Variants in MDGA2 observed in about 807,000 individuals in gnomAD.
The protein encoded by MDGA2 is MAM domain containing glycosylphosphatidylinositol anchor 2, also known as MAM domain-containing glycosylphosphatidylinositol anchor protein 2.
In MDGA2, 40 loss-of-function variants were observed where a neutral mutation model predicts 117.8. The observed-to-expected ratio is 0.34, with a 90% CI of 0.26 to 0.44. MDGA2 has a LOEUF of 0.44. Ranked by LOEUF, MDGA2 falls within the 20% of genes least tolerant of loss-of-function variation. MDGA2 has a pLI of 1.00. For missense variants in MDGA2, 1,123 were observed against 1,250.6 expected (o/e 0.90, Z 1.54); for synonymous variants, 452 against 439.0 (o/e 1.03, Z -0.37).
chr14:47,072,806 G>C (rs1301184376), intron 6 of MDGA2, among the ~76,000 whole-genome samples: 2 of 152,126 alleles, frequency 1.3e-5, no homozygotes, highest in Non-Finnish European at 2.9e-5. Flanking sequence ...AGAGAAGGCA[G>C]GTCATCAGCT....
At chr14:47,013,253 T>C (rs1315217635) in intron 8 of MDGA2, among the ~76,000 whole-genome samples, 1 of 152,184 alleles carries the variant, frequency 6.6e-6, no homozygotes, top group Admixed American at 6.5e-5. Flanking sequence ...TGTAATATTG[T>C]AAATCTTTTG....
intron 5 of MDGA2, among the ~76,000 whole-genome samples, chr14:47,101,072 GGAC>G (rs373601984): frequency 2.8e-5 from 4 of 145,262 alleles, no homozygotes; most frequent in Non-Finnish European, 6.0e-5. Context: ...ATGAATGGAG[GGAC>G]GATAGATAGA....
At chr14:47,085,389 T>C (rs1291211008) in intron 6 of MDGA2, among the ~76,000 whole-genome samples, 3 of 152,106 alleles carry the variant, frequency 2.0e-5, no homozygotes, top group African/African-American at 4.8e-5. Flanking sequence ...AACTAAGGAA[T>C]TTGAATAACC....
intron 1 of MDGA2, among the ~76,000 whole-genome samples, chr14:47,503,705 C>T (rs1894451657): frequency 6.6e-6 from 1 of 152,054 alleles, no homozygotes; most frequent in Non-Finnish European, 1.5e-5. Flanking sequence ...CGCCCGGCCT[C>T]CTCTACTATC....
intron 1 of MDGA2, among the ~76,000 whole-genome samples, chr14:47,463,541 G>A (rs1421406591): frequency 1.3e-5 from 2 of 152,182 alleles, no homozygotes; most frequent in African/African-American, 4.8e-5. Context: ...TCATGTGTGA[G>A]CCTTGATTGA....
intron 1 of MDGA2, among the ~76,000 whole-genome samples, chr14:47,458,577 T>C (rs368076898): frequency 1.3e-5 from 2 of 152,118 alleles, no homozygotes; most frequent in Non-Finnish European, 2.9e-5. Context: ...GTTCTGAAGA[T>C]CTAATGTGTA....
At chr14:47,224,139 A>C (rs1743139631) in intron 2 of MDGA2, among the ~76,000 whole-genome samples, 1 of 152,160 alleles carries the variant, frequency 6.6e-6, no homozygotes. Flanking sequence ...TTTAACATTA[A>C]ACTCATTTCT....
intron 1 of MDGA2, among the ~76,000 whole-genome samples, chr14:47,382,011 A>G (rs895382552): frequency 1.3e-5 from 2 of 152,164 alleles, no homozygotes; most frequent in African/African-American, 4.8e-5. Flanking sequence ...AGAGATAAAG[A>G]CCAATGGAAC....
intron 7 of MDGA2, among the ~76,000 whole-genome samples, chr14:47,044,237 A>C (rs116789015): frequency 0.032 from 4,938 of 152,176 alleles, 277 homozygotes; most frequent in African/African-American, 0.11. Flanking sequence ...TTCATATATG[A>C]ACTCTTTTAT....
At chr14:47,632,040 C>T (rs1347954453) in intron 1 of MDGA2, among the ~76,000 whole-genome samples, 1 of 151,770 alleles carries the variant, frequency 6.6e-6, no homozygotes, top group East Asian at 1.9e-4. Flanking sequence ...AAAGATTGGA[C>T]ACCTATGCAT....
intron 2 of MDGA2, among the ~76,000 whole-genome samples, chr14:47,260,571 G>GA (rs777835426): frequency 3.9e-5 from 6 of 152,046 alleles, no homozygotes; most frequent in South Asian, 2.1e-4. Flanking sequence ...AAACATCATA[G>GA]AAAAAATTAC....
chr14:47,301,288 CA>C, intron 2 of MDGA2, 122 bp downstream of exon 2: 1 of 946,992 alleles, frequency 1.1e-6, no homozygotes, highest in South Asian at 1.7e-5. Context: ...CACACACCCA[CA>C]CCCACCCACA....
chr14:47,334,488 G>T (rs917568026), intron 1 of MDGA2, among the ~76,000 whole-genome samples: 1 of 151,762 alleles, frequency 6.6e-6, no homozygotes, highest in African/African-American at 2.4e-5. Context: ...CAGTTGTAAC[G>T]GGATTATAAT....
chr14:47,396,731 A>G (rs1162777702), intron 1 of MDGA2, among the ~76,000 whole-genome samples: 1 of 152,248 alleles, frequency 6.6e-6, no homozygotes, highest in East Asian at 1.9e-4. Flanking sequence ...AGTATATGAA[A>G]AACAGCTCAT....
Position 47,202,237 on chromosome 14 carries a change from G to A in MDGA2, c.595+15784C>T, listed in dbSNP as rs140012145. On this transcript the variant is annotated intron_variant, in intron 3 of 16. Transcript: ENST00000399232. ...TACTTGATTAATGTTAGTAAAAGTA[G>A]TTGTGATGATTAGATAATAAAAACA... is the stretch of plus-strand genomic sequence containing the variant. 2.5e-3 allele frequency among the ~76,000 whole-genome samples: 376 copies of A among 152,218 alleles called. 5 individuals are homozygous for A. Among genetic ancestry groups the A allele is most frequent in the African/African-American group, 8.5e-3 (355 of 41,552 alleles).
intron 1 of MDGA2, among the ~76,000 whole-genome samples, chr14:47,538,842 A>G (rs1303849948): frequency 2.6e-5 from 4 of 152,186 alleles, no homozygotes; most frequent in African/African-American, 9.7e-5. Context: ...ACACGTATGC[A>G]TACACATATT....
At chr14:47,434,527 A>C (rs1046764140) in intron 1 of MDGA2, among the ~76,000 whole-genome samples, 1 of 152,170 alleles carries the variant, frequency 6.6e-6, no homozygotes, top group Non-Finnish European at 1.5e-5. Flanking sequence ...AGGTCAAAGA[A>C]GGTAGAATAT....
At chr14:47,541,830 C>T (rs1449971812) in intron 1 of MDGA2, among the ~76,000 whole-genome samples, 1 of 152,146 alleles carries the variant, frequency 6.6e-6, no homozygotes, top group Admixed American at 6.5e-5. Context: ...GGTTGTCCTC[C>T]AGGGCTCTGG....
chr14:47,307,852 T>A (rs1279853031), intron 1 of MDGA2, among the ~76,000 whole-genome samples: 1 of 151,822 alleles, frequency 6.6e-6, no homozygotes, highest in Non-Finnish European at 1.5e-5. Context: ...TAGAGGAGAG[T>A]TCTATAGGAG....
Sources: gnomAD v4.1 joint callset for allele counts (sites outside exome capture counted in the v4.1 genomes callset) on GRCh38, gnomAD v4.1.1 for gene constraint, MANE v1.5 for transcripts, NCBI Gene and HGNC (gene_info 2026-07-23, HGNC 2026-07-21) for gene names.